AP3D1: variants seen among roughly 807,000 people sequenced by gnomAD.
AP3D1 encodes AP-3 complex subunit delta-1.
A neutral mutation model predicts 147.6 loss-of-function variants in AP3D1; 51 were observed. That is an observed-to-expected ratio of 0.35 (90% CI 0.28 to 0.44). The LOEUF is 0.44. Ranked by LOEUF, AP3D1 falls within the 20% of genes least tolerant of loss-of-function variation. AP3D1 has a pLI of 1.00. For synonymous variants in AP3D1, 760 were observed against 663.0 expected (o/e 1.15, Z -2.25); for missense variants, 1,421 against 1,624.2 (o/e 0.87, Z 2.15).
chr19:2,122,686 G>C (rs922693809), intron 11 of AP3D1, among the ~76,000 whole-genome samples: 1 of 152,194 alleles, frequency 6.6e-6, no homozygotes, highest in East Asian at 1.9e-4. Context: ...ATGTGATCGC[G>C]GTCTCTCTTG....
intron 11 of AP3D1, among the ~76,000 whole-genome samples, 159 bp downstream of exon 11, chr19:2,123,199 G>A (rs926483117): frequency 6.6e-6 from 1 of 152,150 alleles, no homozygotes; most frequent in Non-Finnish European, 1.5e-5. Flanking sequence ...GGCGCCACAG[G>A]GCACTGGCAG....
Position 2,131,610 on chromosome 19 carries a change from C to T in AP3D1, c.462+861G>A, listed in dbSNP as rs1375361696. 3.5e-5 allele frequency among the ~76,000 whole-genome samples: 5 copies of T among 144,060 alleles called. 1 individual carries two copies. Among genetic ancestry groups the T allele is most frequent in the East Asian group, 4.0e-4 (2 of 4,994 alleles). 94.5% of individuals were successfully genotyped at this position (144,060 alleles called of 152,430 possible). A position where few individuals can be genotyped will look rare whatever the true frequency, so the allele number is the denominator to read the frequency against. On this transcript the variant is annotated intron_variant, in intron 5 of 31. Transcript: ENST00000643116. Reference sequence around the variant, plus strand: ...TAGACACCAGGTGGACAGGCAGCCACGCGGGGACAGCGCCCATCGGCCACG... The same window carrying T: ...TAGACACCAGGTGGACAGGCAGCCATGCGGGGACAGCGCCCATCGGCCACG...
intron 24 of AP3D1, chr19:2,112,610 T>C (rs1183013262): frequency 4.9e-6 from 2 of 410,710 alleles, no homozygotes; most frequent in African/African-American, 4.1e-5. Flanking sequence ...ACTCTGTGAA[T>C]ATACAGAAAA....
At chr19:2,146,847 G>C (rs1030121906) in intron 1 of AP3D1, among the ~76,000 whole-genome samples, 1 of 152,112 alleles carries the variant, frequency 6.6e-6, no homozygotes, top group Non-Finnish European at 1.5e-5. Context: ...CTACCTCCAA[G>C]AGACATTCTG....
Position 2,137,729 on chromosome 19 carries a change from T to C in AP3D1, c.271A>G (p.Lys91Glu). The C allele has an allele frequency of 6.2e-7, 1 of 1,613,916 alleles. No homozygotes were observed. The highest frequency in any genetic ancestry group is 8.5e-7 in the Non-Finnish European group (1 of 1,179,894). Residue 91 changes from lysine (K) to glutamate (E), a missense_variant and splice_region_variant, in exon 3 of 32, where the codon AAG (lysine) becomes GAG (glutamate). Transcript: ENST00000643116. ...GCCTTGCCGTCCCAGAACCTCACCT[T>C]GAAGGTGAACTTGGAGGCACTCATC... ...EVMSASKFTF[K>E]RIGYLAASQS...
intron 16 of AP3D1, 174 bp downstream of exon 16, chr19:2,117,048 C>T (rs2018475826): frequency 3.3e-6 from 3 of 908,800 alleles, no homozygotes; most frequent in Non-Finnish European, 4.8e-6. Context: ...AGCCAGATCC[C>T]AGAACCAGTG....
At position 2,127,141 on chromosome 19, in the gene AP3D1, C is replaced by A. The variant is rs562968526; in HGVS notation, c.856+11G>T. 6.2e-7 allele frequency: 1 copy of A among 1,613,800 alleles called. No individual in the cohort carries two copies. The highest frequency in any genetic ancestry group is 1.1e-5 in the South Asian group (1 of 91,076). On this transcript the variant is annotated intron_variant, in intron 9 of 31. Transcript: ENST00000643116. Reference sequence around the variant, plus strand: ...CCAGCCCTTCCAGATGGGGAGAGTGCCAGTTCTCACCTGCAATCACGGTGT... The same window carrying A: ...CCAGCCCTTCCAGATGGGGAGAGTGACAGTTCTCACCTGCAATCACGGTGT...
rs377654157 is a variant in AP3D1 at position 2,141,735 on chromosome 19, C to T, written c.97-3021G>A. On this transcript the variant is annotated intron_variant, in intron 1 of 31. Transcript: ENST00000643116. ...GATTACAGGCGTGAGCCACCATGCC[C>T]GGCCTTTTTTTTTTCTTTTATTGAG... 3.3e-3 allele frequency among the ~76,000 whole-genome samples: 496 copies of T among 151,300 alleles called. 3 individuals carry two copies. The highest frequency in any genetic ancestry group is 0.017 in the South Asian group (82 of 4,774).
intron 6 of AP3D1, among the ~76,000 whole-genome samples, chr19:2,130,133 G>A (rs2018896223): frequency 6.6e-6 from 1 of 152,156 alleles, no homozygotes; most frequent in African/African-American, 2.4e-5. Context: ...GGTGGCACTG[G>A]TCCTAAGAGG....
intron 8 of AP3D1, among the ~76,000 whole-genome samples, chr19:2,128,036 G>A (rs1028724701): frequency 5.3e-5 from 8 of 152,216 alleles, no homozygotes; most frequent in Non-Finnish European, 1.0e-4. Context: ...ACACCCTTCT[G>A]TGAATGTGTC....
intron 8 of AP3D1, among the ~76,000 whole-genome samples, chr19:2,128,472 C>T (rs1255341860): frequency 3.6e-4 from 34 of 93,734 alleles, no homozygotes; most frequent in African/African-American, 1.7e-3. Context: ...GGCCCGCCCC[C>T]GCCGCTCCGA....
chr19:2,162,277 C>T (rs2019717801), intron 1 of AP3D1, among the ~76,000 whole-genome samples: 1 of 149,548 alleles, frequency 6.7e-6, no homozygotes, highest in African/African-American at 2.4e-5. Context: ...ACCTCGTGAT[C>T]CACCCGCCTC....
chr19:2,130,993 C>T (rs1266011668), intron 5 of AP3D1, among the ~76,000 whole-genome samples: 1 of 152,276 alleles, frequency 6.6e-6, no homozygotes, highest in African/African-American at 2.4e-5. Context: ...CTGACATCCA[C>T]CCTCTCGTGG....
intron 1 of AP3D1, among the ~76,000 whole-genome samples, chr19:2,148,066 G>A (rs1221711877): frequency 1.4e-5 from 2 of 148,004 alleles, no homozygotes; most frequent in African/African-American, 5.0e-5. Context: ...AGAATGGCGT[G>A]AACCCGGGAG....
At chr19:2,105,081 A>C (rs151283709) in intron 31 of AP3D1, among the ~76,000 whole-genome samples, 2 of 152,320 alleles carry the variant, frequency 1.3e-5, no homozygotes, top group Admixed American at 1.3e-4. Flanking sequence ...TTCAGACCTG[A>C]AAAATAAGAC....
intron 1 of AP3D1, 144 bp from the exon 2 acceptor site, chr19:2,138,858 G>C: frequency 1.7e-6 from 1 of 586,164 alleles, no homozygotes; most frequent in Non-Finnish European, 3.1e-6. Context: ...TCGGGAGTTT[G>C]AGATCATCCT....
intron 1 of AP3D1, among the ~76,000 whole-genome samples, chr19:2,163,329 C>T (rs955824656): frequency 2.0e-5 from 3 of 151,942 alleles, no homozygotes; most frequent in African/African-American, 7.3e-5. Context: ...CCGCCTCGGC[C>T]TCACAAAGTG....
intron 4 of AP3D1, among the ~76,000 whole-genome samples, chr19:2,136,098 C>T (rs950205816): frequency 6.6e-6 from 1 of 151,998 alleles, no homozygotes; most frequent in Admixed American, 6.6e-5. Flanking sequence ...GTCCCTCCTG[C>T]TACATGGCCA....
At chr19:2,119,233 A>G (rs1033640365) in intron 14 of AP3D1, among the ~76,000 whole-genome samples, 6 of 152,148 alleles carry the variant, frequency 3.9e-5, no homozygotes, top group Admixed American at 1.3e-4. Flanking sequence ...GGACTTGAAT[A>G]TGTTTCTAGT....
Sources: gnomAD v4.1 joint callset for allele counts (sites outside exome capture counted in the v4.1 genomes callset) on GRCh38, gnomAD v4.1.1 for gene constraint, MANE v1.5 for transcripts, NCBI Gene and HGNC (gene_info 2026-07-23, HGNC 2026-07-21) for gene names.